FAM227B: variants seen among roughly 807,000 people sequenced by gnomAD.
FAM227B encodes the protein protein FAM227B.
Under a neutral mutation model 73.8 loss-of-function variants are expected in FAM227B, and 88 were observed. That is an observed-to-expected ratio of 1.19 (90% CI 1.00 to 1.42). The LOEUF is 1.42. Among genes scored for constraint, FAM227B ranks in the 40% most tolerant of loss-of-function variants. The probability of loss-of-function intolerance (pLI) is 0.00; values close to 1 mark genes in which losing one functional copy is unlikely to be tolerated. For missense variants in FAM227B, 632 were observed against 590.9 expected (o/e 1.07, Z -0.72); for synonymous variants, 210 against 190.5 (o/e 1.10, Z -0.84).
intron 9 of FAM227B, among the ~76,000 whole-genome samples, chr15:49,566,919 C>T (rs185300644): frequency 1.3e-5 from 2 of 152,278 alleles, no homozygotes; most frequent in African/African-American, 4.8e-5. Context: ...AAAGACACAT[C>T]CACCACAAGT....
intron 11 of FAM227B, among the ~76,000 whole-genome samples, chr15:49,491,579 T>C (rs1431285646): frequency 2.0e-5 from 3 of 151,874 alleles, no homozygotes; most frequent in Non-Finnish European, 4.4e-5. Flanking sequence ...AATCAATCCA[T>C]ACCCTGCTCT....
At chr15:49,394,045 G>A (rs941932704) in intron 11 of FAM227B, among the ~76,000 whole-genome samples, 36 of 152,176 alleles carry the variant, frequency 2.4e-4, no homozygotes, top group African/African-American at 8.7e-4. Flanking sequence ...AATTAGGTCT[G>A]GGGCCCAATA....
At chr15:49,426,167 C>T (rs967600273) in intron 11 of FAM227B, among the ~76,000 whole-genome samples, 2 of 151,744 alleles carry the variant, frequency 1.3e-5, no homozygotes, top group Non-Finnish European at 2.9e-5. Flanking sequence ...CTTTGTTTTT[C>T]TGACCCTCAA....
intron 10 of FAM227B, among the ~76,000 whole-genome samples, chr15:49,510,193 C>T (rs1202603868): frequency 6.6e-6 from 1 of 152,134 alleles, no homozygotes; most frequent in Non-Finnish European, 1.5e-5. Flanking sequence ...TCACCACATA[C>T]AAGCTAACTT....
At chr15:49,395,450 T>G (rs1321865165) in intron 11 of FAM227B, among the ~76,000 whole-genome samples, 2 of 152,206 alleles carry the variant, frequency 1.3e-5, no homozygotes, top group African/African-American at 4.8e-5. Context: ...GAGTCCTATG[T>G]GAGCTGTCAC....
At chr15:49,477,984 T>C (rs995843449) in intron 11 of FAM227B, among the ~76,000 whole-genome samples, 1 of 152,184 alleles carries the variant, frequency 6.6e-6, no homozygotes, top group Non-Finnish European at 1.5e-5. Context: ...CCTGGGTATA[T>C]TGTGTGATAC....
intron 13 of FAM227B, among the ~76,000 whole-genome samples, chr15:49,362,091 T>G (rs1334541825): frequency 6.6e-6 from 1 of 152,118 alleles, no homozygotes; most frequent in African/African-American, 2.4e-5. Flanking sequence ...CTTAATGGGT[T>G]TGTTTGCTGT....
At chr15:49,404,528 CT>C (rs1007622598) in intron 11 of FAM227B, among the ~76,000 whole-genome samples, 2 of 151,586 alleles carry the variant, frequency 1.3e-5, no homozygotes, top group Non-Finnish European at 2.9e-5. Flanking sequence ...CCTTCCTTGT[CT>C]TTTTTTTATG....
In FAM227B at chr15:49,615,430, T is replaced by C. The variant is rs573561007; in HGVS notation, c.-72-187A>G. ...GAGGTGGGGCCTGGTGGGAGGTGATTGGATCATGGGGGTGGTTTCTAATGA... is the reference window on the plus strand; with the variant it reads ...GAGGTGGGGCCTGGTGGGAGGTGATCGGATCATGGGGGTGGTTTCTAATGA... On this transcript the variant is annotated intron_variant, in intron 1 of 15. Transcript: ENST00000299338. Among the ~76,000 whole-genome samples the C allele has an allele frequency of 6.6e-5, 10 of 152,240 alleles. No individual in the cohort carries two copies. In the East Asian group the frequency reaches 1.7e-3, roughly 26 times the overall value.
Position 49,521,326 on chromosome 15 carries a change from C to G in FAM227B, c.875-12978G>C, listed in dbSNP as rs185675325. ...CCCCAAGGAAAAGGGGCAGTGCAGC[C>G]CATTAAAGTGCCCTTTGAAACAAAG... On this transcript the variant is annotated intron_variant, in intron 10 of 15. Coordinates refer to ENST00000299338, the MANE Select transcript of FAM227B (RefSeq NM_152647.3). 4.6e-5 allele frequency among the ~76,000 whole-genome samples: 7 copies of G among 152,156 alleles called. No individual in the cohort carries two copies. The East Asian group carries it at 1.4e-3, about 29-fold the overall frequency.
chr15:49,396,209 C>T (rs1169884906), intron 11 of FAM227B: 2 of 346,806 alleles, frequency 5.8e-6, no homozygotes, highest in African/African-American at 2.2e-5. Context: ...AGGGAGTTCC[C>T]TTTCCGAGTC....
intron 9 of FAM227B, among the ~76,000 whole-genome samples, chr15:49,560,520 CA>C (rs966089478): frequency 5.9e-5 from 9 of 151,954 alleles, no homozygotes; most frequent in African/African-American, 2.2e-4. Context: ...TTTAAAAAAT[CA>C]AGAGAACACC....
chr15:49,598,212 G>A (rs1007123830), intron 3 of FAM227B, among the ~76,000 whole-genome samples: 1 of 151,726 alleles, frequency 6.6e-6, no homozygotes, highest in Non-Finnish European at 1.5e-5. Context: ...TTATCCATAA[G>A]TATTTTTTCA....
chr15:49,561,059 G>A (rs2074218163), intron 9 of FAM227B, among the ~76,000 whole-genome samples: 1 of 152,054 alleles, frequency 6.6e-6, no homozygotes. Flanking sequence ...TTGTCTTAAT[G>A]CCCCACTTAA....
At chr15:49,414,495 T>C (rs2049080032) in intron 11 of FAM227B, among the ~76,000 whole-genome samples, 1 of 152,122 alleles carries the variant, frequency 6.6e-6, no homozygotes, top group African/African-American at 2.4e-5. Context: ...TTGGAAACAG[T>C]AGTCTGCATA....
chr15:49,526,041 G>A (rs1297131115), intron 10 of FAM227B, among the ~76,000 whole-genome samples: 1 of 151,842 alleles, frequency 6.6e-6, no homozygotes, highest in African/African-American at 2.4e-5. Flanking sequence ...CTGGACTCTA[G>A]ACCAAACGAA....
At chr15:49,551,727 G>C (rs1174662927) in intron 9 of FAM227B, among the ~76,000 whole-genome samples, 1 of 152,036 alleles carries the variant, frequency 6.6e-6, no homozygotes, top group East Asian at 1.9e-4. Context: ...ACATGCTTTA[G>C]TTTCTTGCTT....
chr15:49,515,108 T>C (rs2059289925), intron 10 of FAM227B, among the ~76,000 whole-genome samples: 1 of 152,150 alleles, frequency 6.6e-6, no homozygotes, highest in South Asian at 2.1e-4. Flanking sequence ...CAATTACATA[T>C]ATGCCTGACA....
chr15:49,390,101 G>A (rs562917289), intron 11 of FAM227B, among the ~76,000 whole-genome samples: 1 of 152,074 alleles, frequency 6.6e-6, no homozygotes, highest in East Asian at 1.9e-4. Flanking sequence ...TGAACACGGG[G>A]CTTGCTCTGG....
Sources: allele counts gnomAD v4.1 joint callset (sites outside exome capture counted in the v4.1 genomes callset), GRCh38; gene constraint gnomAD v4.1.1; transcripts MANE v1.5; gene names NCBI Gene and HGNC (gene_info 2026-07-23, HGNC 2026-07-21).